The following HSPBAP1 variants were observed in gnomAD, a reference collection of about 807,000 sequenced individuals.
HSPBAP1 encodes the protein HSPB1-associated protein 1.
HSPBAP1 carries 27 observed loss-of-function variants against 45.2 expected under a neutral mutation model. That is an observed-to-expected ratio of 0.60 (90% CI 0.44 to 0.82). The LOEUF is 0.82. Among genes scored for constraint, HSPBAP1 ranks in the 40% least tolerant of loss-of-function variants. HSPBAP1 has a pLI of 0.00. For missense variants in HSPBAP1, 510 were observed against 590.9 expected (o/e 0.86, Z 1.42); for synonymous variants, 204 against 202.7 (o/e 1.01, Z -0.06).
intron 3 of HSPBAP1, among the ~76,000 whole-genome samples, chr3:122,760,590 G>A (rs1048898583): frequency 2.0e-5 from 3 of 151,464 alleles, no homozygotes; most frequent in African/African-American, 7.3e-5. Flanking sequence ...GGCTGAATAC[G>A]TGCACATAAT....
chr3:122,793,414 G>A (rs995834758), intron 1 of HSPBAP1, among the ~76,000 whole-genome samples: 2 of 152,204 alleles, frequency 1.3e-5, no homozygotes, highest in African/African-American at 2.4e-5. Context: ...GCACTCGTAG[G>A]CTACCCTACG....
chr3:122,755,571 C>A (rs1934323217), intron 4 of HSPBAP1, 140 bp from the exon 5 acceptor site: 1 of 545,606 alleles, frequency 1.8e-6, no homozygotes, highest in Admixed American at 4.0e-5. Flanking sequence ...CAGTGGTCAC[C>A]TGTCCATCTC....
intron 3 of HSPBAP1, among the ~76,000 whole-genome samples, chr3:122,761,276 T>G (rs952791815): frequency 1.3e-5 from 2 of 152,210 alleles, no homozygotes; most frequent in Admixed American, 1.3e-4. Flanking sequence ...CCAAAGCCCC[T>G]TCTCCTCAGA....
Position 122,740,679 on chromosome 3 carries a change from C to T in HSPBAP1, c.1133G>A (p.Gly378Glu). The change falls in exon 8 of 8, where the codon GGA becomes GAA. Residue 378 changes from glycine (G) to glutamate (E), a missense_variant. Gly to Glu is a moderately conservative substitution (Grantham distance 98). Transcript: ENST00000306103. ...GQTGSQNLTT[G>E]TDKPEAASPF... Reference sequence around the variant, plus strand: ...ACTTGCTGCCTCCGGTTTGTCTGTTCCTGTGGTCAAGTTCTGGCTACCTGT... The same window carrying T: ...ACTTGCTGCCTCCGGTTTGTCTGTTTCTGTGGTCAAGTTCTGGCTACCTGT... The T allele has an allele frequency of 6.2e-7, 1 of 1,614,030 alleles. No individual in the cohort carries two copies. Among genetic ancestry groups the T allele is most frequent in the Non-Finnish European group, 8.5e-7 (1 of 1,180,052 alleles).
Position 122,741,120 on chromosome 3 carries a change from T to TA in HSPBAP1, c.826-8dup, listed in dbSNP as rs755126554. 2.1e-5 allele frequency: 34 copies of TA among 1,597,648 alleles called. No individual in the cohort carries two copies. The highest frequency in any genetic ancestry group is 2.7e-5 in the Non-Finnish European group (32 of 1,165,248). On this transcript the variant is annotated splice_region_variant and splice_polypyrimidine_tract_variant and intron_variant, in intron 6 of 7. Coordinates refer to ENST00000306103, the MANE Select transcript of HSPBAP1 (RefSeq NM_024610.6). ...GGGCTAGGTGATCCTCTTCCTGAAT[T>TA]AAAAAAACACGCTTTTAACTTCTGT...
intron 1 of HSPBAP1, among the ~76,000 whole-genome samples, chr3:122,785,592 C>T (rs964934679): frequency 6.6e-6 from 1 of 152,170 alleles, no homozygotes; most frequent in Admixed American, 6.5e-5. Flanking sequence ...CTTGCCCATG[C>T]TGTCTTTGGA....
At position 122,740,484 on chromosome 3, in the gene HSPBAP1, G is replaced by T. The variant is rs1406718345; in HGVS notation, c.1328C>A (p.Ala443Glu). 3 of 1,614,148 alleles carry T rather than the reference G, an allele frequency of 1.9e-6. No individual in the cohort carries two copies. Among genetic ancestry groups the T allele is most frequent in the Non-Finnish European group, 2.5e-6 (3 of 1,180,016 alleles). Residue 443 changes from alanine (A) to glutamate (E), a missense_variant, in exon 8 of 8, where the codon GCA becomes GAA. Coordinates refer to ENST00000306103, the MANE Select transcript of HSPBAP1 (RefSeq NM_024610.6). ...RQQIMSNSEN[A>E]IEEQIASNTT... is the part of the protein sequence containing the mutation. ...ATTTGAGGCAATCTGTTCCTCAATT[G>T]CATTTTCACTGTTGCTCATTATTTG...
chr3:122,751,139 C>G (rs1934120047), intron 6 of HSPBAP1, among the ~76,000 whole-genome samples: 1 of 152,200 alleles, frequency 6.6e-6, no homozygotes, highest in Non-Finnish European at 1.5e-5. Context: ...AAATCTTATA[C>G]TCTACCAAAT....
At chr3:122,745,480 A>C (rs1163852158) in intron 6 of HSPBAP1, among the ~76,000 whole-genome samples, 1 of 152,154 alleles carries the variant, frequency 6.6e-6, no homozygotes, top group East Asian at 1.9e-4. Flanking sequence ...CAGTCAGAAA[A>C]TATTAAGTGA....
chr3:122,758,341 C>T (rs1195983313), intron 4 of HSPBAP1, among the ~76,000 whole-genome samples: 7 of 152,156 alleles, frequency 4.6e-5, no homozygotes, highest in Non-Finnish European at 8.8e-5. Flanking sequence ...GCCTATCCCT[C>T]GTATCTTCTA....
chr3:122,777,112 G>A (rs1337731153), intron 2 of HSPBAP1, among the ~76,000 whole-genome samples: 2 of 151,966 alleles, frequency 1.3e-5, no homozygotes, highest in Admixed American at 6.6e-5. Flanking sequence ...CTGAAAATAG[G>A]GCAAACAAAT....
At chr3:122,755,898 T>C (rs1934338561) in intron 4 of HSPBAP1, among the ~76,000 whole-genome samples, 1 of 152,218 alleles carries the variant, frequency 6.6e-6, no homozygotes, top group Non-Finnish European at 1.5e-5. Flanking sequence ...GGGTTATAAA[T>C]TCCTTAAGTT....
intron 4 of HSPBAP1, chr3:122,758,800 G>A (rs747930905): frequency 1.3e-5 from 6 of 455,116 alleles, no homozygotes; most frequent in East Asian, 7.0e-5. Context: ...GAGAGGCTGC[G>A]GCAGGAGGAT....
intron 4 of HSPBAP1, chr3:122,758,896 CA>C (rs11369405): frequency 0.11 from 21,263 of 197,466 alleles, 87 homozygotes; most frequent in Middle Eastern, 0.15. Context: ...TCTAATTTAC[CA>C]AAAAAAAAAA....
At chr3:122,747,270 A>G (rs1224486156) in intron 6 of HSPBAP1, among the ~76,000 whole-genome samples, 3 of 131,816 alleles carry the variant, frequency 2.3e-5, no homozygotes. Context: ...CCGGCCGCCC[A>G]TCGTCTGAGA....
chr3:122,748,225 C>A (rs1405355905), intron 6 of HSPBAP1, among the ~76,000 whole-genome samples: 2 of 152,090 alleles, frequency 1.3e-5, no homozygotes, highest in African/African-American at 2.4e-5. Context: ...ATCTCAAGTA[C>A]CCAGGGACAC....
At chr3:122,769,525 A>C (rs1429382160) in intron 2 of HSPBAP1, among the ~76,000 whole-genome samples, 1 of 152,180 alleles carries the variant, frequency 6.6e-6, no homozygotes, top group Non-Finnish European at 1.5e-5. Context: ...AATTAATTTT[A>C]TTTTTGCAAC....
chr3:122,779,174 T>C (rs1343160775), intron 1 of HSPBAP1, among the ~76,000 whole-genome samples: 2 of 151,968 alleles, frequency 1.3e-5, no homozygotes, highest in African/African-American at 2.4e-5. Context: ...TCCGAGTAGC[T>C]GGGATTACAG....
chr3:122,786,522 A>G (rs1935661975), intron 1 of HSPBAP1: 3 of 152,232 alleles, frequency 2.0e-5, no homozygotes, highest in African/African-American at 7.2e-5. Context: ...ACAGTAACAC[A>G]TGAGTAGTAT....
Sources: gnomAD v4.1 joint callset for allele counts (sites outside exome capture counted in the v4.1 genomes callset) on GRCh38, gnomAD v4.1.1 for gene constraint, MANE v1.5 for transcripts, NCBI Gene and HGNC (gene_info 2026-07-23, HGNC 2026-07-21) for gene names.